The following IDH1 variants were observed in gnomAD, a reference collection of about 807,000 sequenced individuals.
IDH1 encodes isocitrate dehydrogenase (NADP(+)) 1.
Under a neutral mutation model 46.1 loss-of-function variants are expected in IDH1, and 33 were observed. The ratio of observed to expected loss-of-function variants is 0.72; its 90% CI spans 0.54 to 0.96. The LOEUF is 0.96. IDH1 is among the 40% of genes least tolerant of loss of function. The pLI is 0.00. For synonymous variants in IDH1, 144 were observed against 172.8 expected, an observed-to-expected ratio of 0.83 and a Z score of 1.31; for missense variants, 421 against 515.7, an observed-to-expected ratio of 0.82 and a Z score of 1.78.
chr2:208,251,415 G>A lies in IDH1; in HGVS notation c.122+15C>T, dbSNP rs963829912. On this transcript the variant is annotated intron_variant, in intron 3 of 9. Coordinates refer to ENST00000345146, the MANE Select transcript of IDH1 (RefSeq NM_005896.4). ...TCCTTTCTGAGTTTGCTACACGGAG[G>A]GGTAACTCATTTACCTATGTAGATC... 6 of 1,611,650 alleles carry A rather than the reference G, an allele frequency of 3.7e-6. No individual in the cohort carries two copies. The highest frequency in any genetic ancestry group is 1.3e-5 in the African/African-American group (1 of 74,740).
At position 208,239,927 on chromosome 2, in the gene IDH1, G is replaced by A. The variant is rs772297042; in HGVS notation, c.927C>T (p.His309=). The A allele has an allele frequency of 2.0e-5, 33 of 1,613,962 alleles. No individual in the cohort carries two copies. The East Asian group carries it at 2.7e-4, about 13-fold the overall frequency. The change falls in exon 8 of 10, where the codon CAC becomes CAT. Residue 309 remains histidine, a synonymous_variant. Coordinates refer to ENST00000345146, the MANE Select transcript of IDH1 (RefSeq NM_005896.4). ...DGKTVEAEAA[H]GTVTRHYRMY... The stretch of plus-strand genomic sequence containing the variant: ...TGCGGTAGTGACGGGTTACAGTCCC[G>A]TGGGCAGCCTCTGCTTCTACTGTCT...
intron 9 of IDH1, among the ~76,000 whole-genome samples, chr2:208,238,009 C>T (rs1345313516): frequency 1.3e-5 from 2 of 151,632 alleles, no homozygotes; most frequent in Non-Finnish European, 2.9e-5. Flanking sequence ...AAAGGTATTC[C>T]ACTGATAAGA....
chr2:208,246,068 G>A (rs1392384403), intron 4 of IDH1, among the ~76,000 whole-genome samples: 2 of 152,082 alleles, frequency 1.3e-5, no homozygotes, highest in Admixed American at 6.6e-5. Flanking sequence ...ATCGGGGCTC[G>A]GTCTCTCATG....
At chr2:208,245,545 TC>T (rs1409141100) in intron 4 of IDH1, 121 bp from the exon 5 acceptor site, 13 of 514,888 alleles carry the variant, frequency 2.5e-5, no homozygotes, top group Middle Eastern at 4.8e-4. Context: ...ATGTCAAACT[TC>T]TTTTTTTTTT....
rs755612585 is a variant in IDH1, at chr2:208,248,497, T to G, written c.286A>C (p.Asn96His). The G allele has an allele frequency of 6.2e-7, 1 of 1,614,170 alleles. No individual in the cohort carries two copies. Among genetic ancestry groups the G allele is most frequent in the South Asian group, 1.1e-5 (1 of 91,080 alleles). The change falls in exon 4 of 10, where the codon AAT (asparagine) becomes CAT (histidine). Residue 96 changes from asparagine (N) to histidine (H), a missense_variant. Coordinates refer to ENST00000345146, the MANE Select transcript of IDH1 (RefSeq NM_005896.4). ...FKLKQMWKSP[N>H]GTIRNILGGT... is the part of the protein sequence containing the mutation. ...CCCAGAATATTTCGTATGGTGCCATTTGGTGATTTCCACATTTGTTTCAAC... is the reference window on the plus strand; with the variant it reads ...CCCAGAATATTTCGTATGGTGCCATGTGGTGATTTCCACATTTGTTTCAAC...
intron 4 of IDH1, among the ~76,000 whole-genome samples, chr2:208,245,802 A>C (rs1222323875): frequency 1.9e-5 from 2 of 105,792 alleles, no homozygotes; most frequent in African/African-American, 3.3e-5. Flanking sequence ...AAAAAAAAAA[A>C]CTATAGGATG....
chr2:208,244,191 C>T (rs1207497569), intron 5 of IDH1, among the ~76,000 whole-genome samples: 1 of 152,198 alleles, frequency 6.6e-6, no homozygotes, highest in East Asian at 1.9e-4. Flanking sequence ...CCATGTGATA[C>T]ACCTATTGTC....
intron 3 of IDH1, among the ~76,000 whole-genome samples, chr2:208,248,912 T>C (rs1428045456): frequency 6.6e-6 from 1 of 152,188 alleles, no homozygotes; most frequent in East Asian, 1.9e-4. Context: ...GGAAAATGAA[T>C]GGAAACCATC....
intron 5 of IDH1, 51 bp downstream of exon 5, chr2:208,245,268 C>T (rs1446322): frequency 1.1e-6 from 1 of 918,724 alleles, no homozygotes; most frequent in Non-Finnish European, 1.8e-6. Flanking sequence ...AAAATATTAT[C>T]TAAATCATTT....
intron 3 of IDH1, among the ~76,000 whole-genome samples, chr2:208,250,300 C>CTT (rs11370730): frequency 0.012 from 1,722 of 147,202 alleles, 37 homozygotes; most frequent in African/African-American, 0.039. Flanking sequence ...TCCTAAGATG[C>CTT]TTTTTTTTTT....
intron 9 of IDH1, 92 bp downstream of exon 9, chr2:208,238,979 C>A (rs1042867599): frequency 1.7e-6 from 2 of 1,160,094 alleles, no homozygotes; most frequent in Non-Finnish European, 2.6e-6. Context: ...TGATGAATAA[C>A]AATTTATATA....
At position 208,236,832 on chromosome 2, in the gene IDH1, C is replaced by A. The variant is rs1385091809; in HGVS notation, c.*247G>T. ...GACAGTGAATACAAATGAGTACTAA[C>A]CGAATTCCTAGGCTGGTACTAGAAA... is the stretch of plus-strand genomic sequence containing the variant. On this transcript the variant is annotated 3_prime_UTR_variant, in exon 10 of 10. Coordinates refer to ENST00000345146, the MANE Select transcript of IDH1 (RefSeq NM_005896.4). 1.2e-5 allele frequency: 6 copies of A among 491,424 alleles called. No individual in the cohort carries two copies. Among genetic ancestry groups the A allele is most frequent in the Non-Finnish European group, 2.2e-5 (6 of 276,424 alleles). The allele number at this position is 491,424 out of a possible 1,614,324, so 30.4% of individuals were successfully genotyped here.
At chr2:208,243,406 T>C in intron 6 of IDH1, 21 bp downstream of exon 6, 2 of 1,577,782 alleles carry the variant, frequency 1.3e-6, no homozygotes, top group Non-Finnish European at 1.7e-6. Flanking sequence ...AAAGAAAAAG[T>C]TAAAAAAGAA....
chr2:208,250,908 A>G (rs533846555), intron 3 of IDH1, among the ~76,000 whole-genome samples: 1 of 152,356 alleles, frequency 6.6e-6, no homozygotes, highest in East Asian at 1.9e-4. Flanking sequence ...AATTGTGTTA[A>G]CTGCATTTAG....
At chr2:208,240,396 A>G (rs529647587) in intron 7 of IDH1, 159 of 176,738 alleles carry the variant, frequency 9.0e-4, no homozygotes, top group African/African-American at 3.6e-3. Flanking sequence ...ACATATATTC[A>G]TAAATATATA....
intron 1 of IDH1, 33 bp from the exon 2 acceptor site, chr2:208,253,992 T>A (rs1688168719): frequency 6.6e-6 from 1 of 152,250 alleles, no homozygotes; most frequent in Non-Finnish European, 1.5e-5. Context: ...AGTGTTAACA[T>A]ACAGAACACT....
intron 9 of IDH1, among the ~76,000 whole-genome samples, chr2:208,237,470 A>T (rs1008104187): frequency 3.9e-5 from 6 of 152,150 alleles, no homozygotes; most frequent in Admixed American, 1.3e-4. Context: ...GGTTCAGACT[A>T]ATGCTGCTGA....
chr2:208,238,069 T>A, intron 9 of IDH1, among the ~76,000 whole-genome samples: 1 of 148,112 alleles, frequency 6.8e-6, no homozygotes, highest in East Asian at 2.0e-4. Context: ...GGAGTCTCGC[T>A]CTGTCACGCA....
intron 2 of IDH1, among the ~76,000 whole-genome samples, chr2:208,252,881 A>C (rs1172142295): frequency 6.6e-6 from 1 of 152,216 alleles, no homozygotes; most frequent in Non-Finnish European, 1.5e-5. Flanking sequence ...CTGGAACTGA[A>C]CTAGACTAAA....
Sources: gnomAD v4.1 joint callset for allele counts (sites outside exome capture counted in the v4.1 genomes callset) on GRCh38, gnomAD v4.1.1 for gene constraint, MANE v1.5 for transcripts, NCBI Gene and HGNC (gene_info 2026-07-23, HGNC 2026-07-21) for gene names.